Variants in DLGAP2 observed in about 807,000 individuals in gnomAD.
DLGAP2 encodes disks large-associated protein 2.
Under a neutral mutation model 100.3 loss-of-function variants are expected in DLGAP2, and 26 were observed. That is an observed-to-expected ratio of 0.26 (90% confidence interval 0.19 to 0.36). The LOEUF (loss-of-function observed/expected upper bound fraction) is 0.36. Ranked by LOEUF, DLGAP2 falls within the 10% of genes least tolerant of loss-of-function variation. DLGAP2 has a pLI of 1.00. For synonymous variants in DLGAP2, 886 were observed against 630.1 expected, an observed-to-expected ratio of 1.41 and a Z score of -6.08; for missense variants, 1,858 against 1,453.2, an observed-to-expected ratio of 1.28 and a Z score of -4.53.
chr8:1,325,252 G>C (rs560320762), intron 3 of DLGAP2, among the ~76,000 whole-genome samples: 1 of 152,322 alleles, frequency 6.6e-6, no homozygotes, highest in African/African-American at 2.4e-5. Flanking sequence ...ACGACCCCAA[G>C]AGTGAGATGT....
At chr8:1,259,233 G>A (rs952876214) in intron 3 of DLGAP2, among the ~76,000 whole-genome samples, 10 of 152,208 alleles carry the variant, frequency 6.6e-5, no homozygotes, top group African/African-American at 1.9e-4. Flanking sequence ...CCAATGAGCC[G>A]CAGGCTGAGT....
intron 3 of DLGAP2, among the ~76,000 whole-genome samples, chr8:1,432,596 C>T (rs575253630): frequency 1.3e-5 from 2 of 152,266 alleles, no homozygotes; most frequent in Non-Finnish European, 2.9e-5. Flanking sequence ...AGTTGTAGTT[C>T]TAGAAAGTCA....
chr8:884,733 A>G (rs1797888310), intron 1 of DLGAP2, among the ~76,000 whole-genome samples: 1 of 152,142 alleles, frequency 6.6e-6, no homozygotes, highest in Non-Finnish European at 1.5e-5. Context: ...GGTGTTGCCT[A>G]GGTTTTCTTC....
intron 3 of DLGAP2, among the ~76,000 whole-genome samples, chr8:1,329,758 G>A (rs1801106302): frequency 6.6e-6 from 1 of 152,186 alleles, no homozygotes; most frequent in African/African-American, 2.4e-5. Context: ...ATTAGCCCCG[G>A]CTGTACCTGC....
chr8:1,064,117 TG>T (rs1299537720), intron 2 of DLGAP2, among the ~76,000 whole-genome samples: 1 of 152,174 alleles, frequency 6.6e-6, no homozygotes, highest in Non-Finnish European at 1.5e-5. Flanking sequence ...CTTTAGGTCA[TG>T]GGGACAATCC....
intron 8 of DLGAP2, among the ~76,000 whole-genome samples, chr8:1,638,901 A>G (rs566858015): frequency 6.6e-6 from 1 of 152,346 alleles, no homozygotes; most frequent in African/African-American, 2.4e-5. Context: ...CCTCCTGCTG[A>G]AGCAACAGGA....
At chr8:1,660,667 T>C (rs1420242708) in intron 8 of DLGAP2, among the ~76,000 whole-genome samples, 2 of 152,208 alleles carry the variant, frequency 1.3e-5, no homozygotes, top group Non-Finnish European at 2.9e-5. Flanking sequence ...GGATTTCTCA[T>C]GGGGTCATTA....
intron 2 of DLGAP2, among the ~76,000 whole-genome samples, chr8:1,135,411 G>A (rs925870307): frequency 5.9e-5 from 9 of 151,716 alleles, no homozygotes; most frequent in South Asian, 2.1e-4. Context: ...TTGAGGGTGC[G>A]TCAGTGGAGA....
intron 2 of DLGAP2, among the ~76,000 whole-genome samples, chr8:1,250,810 G>A (rs1220361434): frequency 6.6e-6 from 1 of 152,178 alleles, no homozygotes; most frequent in African/African-American, 2.4e-5. Context: ...AATTAACATT[G>A]GAGCACACTT....
chr8:894,036 C>T (rs952136134), intron 1 of DLGAP2, among the ~76,000 whole-genome samples: 1 of 152,232 alleles, frequency 6.6e-6, no homozygotes, highest in Non-Finnish European at 1.5e-5. Flanking sequence ...CTTGCTCTTC[C>T]CTTCTGGCAG....
intron 3 of DLGAP2, among the ~76,000 whole-genome samples, chr8:1,470,382 G>C (rs1219479434): frequency 6.6e-6 from 1 of 152,182 alleles, no homozygotes; most frequent in African/African-American, 2.4e-5. Flanking sequence ...GTCCACCACA[G>C]TGGGAGCTGG....
chr8:1,077,498 T>C (rs1470406439), intron 2 of DLGAP2, among the ~76,000 whole-genome samples: 2 of 152,146 alleles, frequency 1.3e-5, no homozygotes, highest in Non-Finnish European at 2.9e-5. Flanking sequence ...GACTTTTAGG[T>C]GAACATCACT....
intron 10 of DLGAP2, among the ~76,000 whole-genome samples, chr8:1,670,059 G>A (rs370853721): frequency 4.3e-4 from 65 of 152,226 alleles, no homozygotes; most frequent in African/African-American, 1.5e-3. Context: ...CCAGGGTCAC[G>A]TCTGCAGTAG....
intron 3 of DLGAP2, among the ~76,000 whole-genome samples, chr8:1,344,244 A>G (rs1218423506): frequency 9.2e-6 from 1 of 109,286 alleles, no homozygotes; most frequent in East Asian, 4.1e-4. Context: ...GTAGCTGCAC[A>G]CTTCGCCCAG....
In DLGAP2 at chr8:1,704,068, C is replaced by A. The variant is rs888215604; in HGVS notation, c.*2662C>A. Reference sequence around the variant, plus strand: ...GAAACGCAGAAGATAAGCCATGTTTCTGTATTGTACATGTAAAGAAAAATA... The same window carrying A: ...GAAACGCAGAAGATAAGCCATGTTTATGTATTGTACATGTAAAGAAAAATA... On this transcript the variant is annotated 3_prime_UTR_variant, in exon 15 of 15. Coordinates refer to ENST00000637795, the MANE Select transcript of DLGAP2 (RefSeq NM_001346810.2). 1 of 152,584 alleles carries A rather than the reference C, an allele frequency of 6.6e-6. No homozygotes were observed. Among genetic ancestry groups the A allele is most frequent in the Non-Finnish European group, 1.5e-5 (1 of 68,026 alleles). 9.5% of individuals were successfully genotyped at this position (152,584 alleles called of 1,614,324 possible). A position where few individuals can be genotyped will look rare whatever the true frequency, so the allele number is the denominator to read the frequency against.
chr8:776,816 T>C (rs1433220920), intron 1 of DLGAP2, among the ~76,000 whole-genome samples: 1 of 152,132 alleles, frequency 6.6e-6, no homozygotes, highest in African/African-American at 2.4e-5. Context: ...CTGAAAAAAA[T>C]GTATATTCTG....
rs77938416 is a variant in DLGAP2 at position 1,650,327 on chromosome 8, T to C, written c.1810+17281T>C. 7.1e-3 allele frequency among the ~76,000 whole-genome samples: 1,084 copies of C among 152,334 alleles called. 14 individuals are homozygous for C. The highest frequency in any genetic ancestry group is 0.024 in the African/African-American group (989 of 41,572). ...AAGAGATAATCATGTTCAAAAACTTTTGTCCCTTCTTCTTATCAGTGTTGG... is the reference window on the plus strand; with the variant it reads ...AAGAGATAATCATGTTCAAAAACTTCTGTCCCTTCTTCTTATCAGTGTTGG... On this transcript the variant is annotated intron_variant, in intron 8 of 14. Transcript: ENST00000637795.
chr8:813,014 G>A (rs139859651), intron 1 of DLGAP2, among the ~76,000 whole-genome samples: 22 of 152,270 alleles, frequency 1.4e-4, no homozygotes, highest in Non-Finnish European at 2.9e-4. Flanking sequence ...GTGACAAAAC[G>A]TGATAATAGA....
intron 5 of DLGAP2, among the ~76,000 whole-genome samples, chr8:1,554,619 G>A (rs558036319): frequency 6.6e-6 from 1 of 152,264 alleles, no homozygotes; most frequent in African/African-American, 2.4e-5. Flanking sequence ...CCTGTATCTA[G>A]GAGGGTCCAA....
Sources: gnomAD v4.1 joint callset for allele counts (sites outside exome capture counted in the v4.1 genomes callset) on GRCh38, gnomAD v4.1.1 for gene constraint, MANE v1.5 for transcripts, NCBI Gene and HGNC (gene_info 2026-07-23, HGNC 2026-07-21) for gene names.